COL6A6: variants seen among roughly 807,000 people sequenced by gnomAD.
COL6A6 encodes the protein collagen alpha-6(VI) chain.
COL6A6 carries 183 observed loss-of-function variants against 208.6 expected under a neutral mutation model. The ratio of observed to expected loss-of-function variants is 0.88; its 90% confidence interval spans 0.78 to 0.99. The LOEUF (loss-of-function observed/expected upper bound fraction) is 0.99. COL6A6 is among the 50% of genes least tolerant of loss of function. COL6A6 has a pLI of 0.00. For missense variants in COL6A6, 2,816 were observed against 2,815.2 expected (o/e 1.00, Z -0.01); for synonymous variants, 973 against 1,011.8 (o/e 0.96, Z 0.73).
intron 1 of COL6A6, among the ~76,000 whole-genome samples, chr3:130,548,464 G>A (rs964574014): frequency 6.6e-6 from 1 of 152,202 alleles, no homozygotes; most frequent in African/African-American, 2.4e-5. Flanking sequence ...CAAATCTAAA[G>A]GGGGTTGGAG....
Position 130,675,349 on chromosome 3 carries a change from C to G in COL6A6, c.6744C>G (p.Thr2248=), listed in dbSNP as rs2066332708. The part of the protein sequence containing the change: ...IQNFMRSTSH[T]FKNGRMIESA... ...ATTTTATGAGAAGCACCTCCCATAC[C>G]TTTAAGAATGGAAGGATGATAGAAA... The change falls in exon 37 of 37, where the codon ACC becomes ACG. Residue 2248 remains threonine (T), a synonymous_variant. Transcript: ENST00000358511. 2.5e-6 allele frequency: 4 copies of G among 1,600,260 alleles called. No individual in the cohort carries two copies. Among genetic ancestry groups the G allele is most frequent in the African/African-American group, 1.3e-5 (1 of 74,606 alleles).
chr3:130,581,108 C>T (rs2063409067), intron 8 of COL6A6, among the ~76,000 whole-genome samples: 1 of 151,582 alleles, frequency 6.6e-6, no homozygotes. Context: ...TAGATGAGTC[C>T]TTTGTGATTT....
intron 1 of COL6A6, among the ~76,000 whole-genome samples, chr3:130,541,749 G>A (rs2062368438): frequency 1.3e-5 from 2 of 152,138 alleles, no homozygotes; most frequent in Admixed American, 1.3e-4. Context: ...TAAAATTGGT[G>A]TAATTTCTTT....
At chr3:130,600,078 A>G (rs573420193) in intron 20 of COL6A6, among the ~76,000 whole-genome samples, 38 of 152,304 alleles carry the variant, frequency 2.5e-4, no homozygotes, top group African/African-American at 8.9e-4. Flanking sequence ...ACTAGGGGAA[A>G]AGTGGTCAAA....
rs1013708980 is a variant in COL6A6 at position 130,650,315 on chromosome 3, T to C, written c.5733+753T>C. On this transcript the variant is annotated intron_variant, in intron 33 of 36. Coordinates refer to ENST00000358511, the MANE Select transcript of COL6A6 (RefSeq NM_001102608.3). Reference sequence around the variant, plus strand: ...GGGGCCAGGGAGCAGCAAAGAGGCATTGGAAAATTTAAATTAAAAGTCCAG... The same window carrying C: ...GGGGCCAGGGAGCAGCAAAGAGGCACTGGAAAATTTAAATTAAAAGTCCAG... 3.9e-5 allele frequency among the ~76,000 whole-genome samples: 6 copies of C among 152,216 alleles called. No homozygotes were observed. The East Asian group carries it at 1.2e-3, about 29-fold the overall frequency.
intron 20 of COL6A6, among the ~76,000 whole-genome samples, chr3:130,602,670 T>C (rs1340932951): frequency 6.6e-6 from 1 of 152,196 alleles, no homozygotes; most frequent in Non-Finnish European, 1.5e-5. Context: ...ACATTTCTAT[T>C]CTTTGTTTTT....
chr3:130,605,139 T>C (rs1484538642), intron 20 of COL6A6, among the ~76,000 whole-genome samples: 1 of 152,230 alleles, frequency 6.6e-6, no homozygotes, highest in Non-Finnish European at 1.5e-5. Context: ...AAAGACTTGA[T>C]ACATCCTCTG....
chr3:130,622,282 G>A (rs1266091427), intron 24 of COL6A6, among the ~76,000 whole-genome samples: 1 of 139,220 alleles, frequency 7.2e-6, no homozygotes, highest in African/African-American at 2.7e-5. Context: ...GCACTGTACT[G>A]AGCGTTCGGT....
chr3:130,565,358 A>C lies in COL6A6; in HGVS notation c.1026A>C (p.Arg342=), dbSNP rs763685839. 2 of 1,613,870 alleles carry C rather than the reference A, an allele frequency of 1.2e-6. No individual in the cohort carries two copies. The highest frequency in any genetic ancestry group is 2.7e-5 in the African/African-American group (2 of 74,938). Residue 342 remains arginine, a synonymous_variant, in exon 4 of 37, where the codon CGA becomes CGC. Coordinates refer to ENST00000358511, the MANE Select transcript of COL6A6 (RefSeq NM_001102608.3). ...AGATTGCCGTGCTGGTGACCCACCG[A>C]GATTCAGAAGACAACGTGACAAAAG... ...VPQIAVLVTH[R]DSEDNVTKAA... is the part of the protein sequence containing the mutation.
intron 29 of COL6A6, among the ~76,000 whole-genome samples, chr3:130,642,109 G>A (rs968727254): frequency 1.3e-5 from 2 of 152,072 alleles, no homozygotes; most frequent in East Asian, 3.9e-4. Flanking sequence ...GGTCAGGGGG[G>A]GCTCTGTTGC....
In COL6A6 at chr3:130,574,253, C is replaced by T. The variant is rs761471002; in HGVS notation, c.3275C>T (p.Pro1092Leu). 2 of 1,613,982 alleles carry T rather than the reference C, an allele frequency of 1.2e-6. No individual in the cohort carries two copies. Among genetic ancestry groups the T allele is most frequent in the Admixed American group, 1.7e-5 (1 of 60,028 alleles). ...AGGGAGGTGGAACATTACTTCAGGC[C>T]AGACATGGGCAGCAGGATAAATACA... ...ALREVEHYFR[P>L]DMGSRINTGT... The change falls in exon 8 of 37, where the codon CCA (proline) becomes CTA (leucine). Residue 1092 changes from proline to leucine, a missense_variant. By Grantham distance (98) the Pro-to-Leu change is moderately conservative. Coordinates refer to ENST00000358511, the MANE Select transcript of COL6A6 (RefSeq NM_001102608.3).
chr3:130,579,339 A>C (rs552616533), intron 8 of COL6A6, among the ~76,000 whole-genome samples: 2 of 152,334 alleles, frequency 1.3e-5, no homozygotes, highest in East Asian at 3.9e-4. Flanking sequence ...ACTTGGAAAT[A>C]TATAACCCCC....
intron 36 of COL6A6, among the ~76,000 whole-genome samples, chr3:130,671,330 G>A (rs2108493050): frequency 6.6e-6 from 1 of 152,294 alleles, no homozygotes; most frequent in Middle Eastern, 3.4e-3. Flanking sequence ...AGAAATATGA[G>A]TGGGAAGAGG....
At chr3:130,559,917 A>G (rs917763545) in intron 1 of COL6A6, among the ~76,000 whole-genome samples, 1 of 152,244 alleles carries the variant, frequency 6.6e-6, no homozygotes, top group Non-Finnish European at 1.5e-5. Context: ...TCAAAGATAA[A>G]GTACACCTAC....
chr3:130,609,661 C>A (rs1046321551), intron 22 of COL6A6, among the ~76,000 whole-genome samples: 5 of 151,882 alleles, frequency 3.3e-5, no homozygotes, highest in South Asian at 2.1e-4. Context: ...TTTTCCTCTC[C>A]AAAGTTAGTT....
intron 1 of COL6A6, among the ~76,000 whole-genome samples, chr3:130,550,559 A>G (rs1281795454): frequency 6.6e-6 from 1 of 152,228 alleles, no homozygotes; most frequent in Non-Finnish European, 1.5e-5. Flanking sequence ...AGGCCTCAGA[A>G]TCATGGATGG....
At chr3:130,556,680 T>C (rs1440056789) in intron 1 of COL6A6, among the ~76,000 whole-genome samples, 1 of 152,210 alleles carries the variant, frequency 6.6e-6, no homozygotes, top group Non-Finnish European at 1.5e-5. Context: ...ATTTCTTAGA[T>C]TTATTCTTTT....
At position 130,621,835 on chromosome 3, in the gene COL6A6, C is replaced by A. The variant is rs533372119; in HGVS notation, c.4830C>A (p.Pro1610=). 2 of 1,613,640 alleles carry A rather than the reference C, an allele frequency of 1.2e-6. No homozygotes were observed. The highest frequency in any genetic ancestry group is 2.2e-5 in the South Asian group (2 of 91,040). Residue 1610 remains proline, a synonymous_variant, in exon 24 of 37, where the codon CCC becomes CCA. Transcript: ENST00000358511. ...GSKGPQGPPG[P]GGEAGNQGRL... is the part of the protein sequence containing the mutation. ...TTTTGTTTCAGGGGCCTCCAGGACC[C>A]GGAGGAGAGGCAGGGAATCAAGGCC...
At position 130,565,106 on chromosome 3, in the gene COL6A6, C is replaced by A; in HGVS notation, c.774C>A (p.Ala258=). ...LKGFLEESVS[A]LDIKENCMRV... Reference sequence around the variant, plus strand: ...GATTCTTGGAAGAAAGTGTATCTGCCCTTGACATAAAGGAAAATTGCATGA... The same window carrying A: ...GATTCTTGGAAGAAAGTGTATCTGCACTTGACATAAAGGAAAATTGCATGA... The change falls in exon 4 of 37, where the codon GCC becomes GCA. Residue 258 remains alanine (A), a synonymous_variant. Transcript: ENST00000358511. The A allele has an allele frequency of 6.2e-7, 1 of 1,613,944 alleles. No individual in the cohort carries two copies. Among genetic ancestry groups the A allele is most frequent in the Non-Finnish European group, 8.5e-7 (1 of 1,179,852 alleles).
Sources: allele counts gnomAD v4.1 joint callset (sites outside exome capture counted in the v4.1 genomes callset), GRCh38; gene constraint gnomAD v4.1.1; transcripts MANE v1.5; gene names NCBI Gene and HGNC (gene_info 2026-07-23, HGNC 2026-07-21).